ZIC3: variants seen among roughly 807,000 people sequenced by gnomAD.
ZIC3 encodes the protein zinc finger protein ZIC 3.
Under a neutral mutation model 18.3 loss-of-function variants are expected in ZIC3, and 6 were observed. That is an observed-to-expected ratio of 0.33 (90% CI 0.18 to 0.65). ZIC3 has a LOEUF of 0.65. Among genes scored for constraint, ZIC3 ranks in the 30% least tolerant of loss-of-function variants. The probability of loss-of-function intolerance (pLI) is 0.75; values close to 1 mark genes in which losing one functional copy is unlikely to be tolerated. For missense variants in ZIC3, 260 were observed against 410.0 expected (o/e 0.63, Z 3.16); for synonymous variants, 175 against 177.0 (o/e 0.99, Z 0.09).
intron 2 of ZIC3, 42 bp downstream of exon 2, chrX:137,569,107 C>A: frequency 8.3e-7 from 1 of 1,204,457 alleles, no homozygotes; most frequent in Non-Finnish European, 1.1e-6. Context: ...TGTAAACACT[C>A]GGCCCGACGC....
At chrX:137,574,150 G>A (rs996358022), downstream of ZIC3, 1 of 113,581 alleles carries the variant, frequency 8.8e-6, no homozygotes, top group Non-Finnish European at 1.9e-5. Context: ...CGTAGCGCTG[G>A]CCGCAAACTT....
At position 137,566,546 on chromosome X, in the gene ZIC3, T is replaced by TG. The variant is rs1931342573; in HGVS notation, c.-145dup. 9.8e-7 allele frequency: 1 copy of TG among 1,018,772 alleles called. No homozygotes were observed. The highest frequency in any genetic ancestry group is 2.8e-5 in the Admixed American group (1 of 36,159). 84.0% of individuals were successfully genotyped at this position (1,018,772 alleles called of 1,213,427 possible). ...GGAGACTCTTGCAGTGACGGAAAGTTGCAGCCCCTGGTAGCGCCTTGGGGG... is the reference window on the plus strand; with the variant it reads ...GGAGACTCTTGCAGTGACGGAAAGTTGGCAGCCCCTGGTAGCGCCTTGGGGG... On this transcript the variant is annotated 5_prime_UTR_variant, in exon 1 of 3. Coordinates refer to ENST00000287538, the MANE Select transcript of ZIC3 (RefSeq NM_003413.4).
At chrX:137,573,836 C>G (rs1400285842), downstream of ZIC3, 1 of 112,776 alleles carries the variant, frequency 8.9e-6, no homozygotes. Flanking sequence ...GTCGGGGCTC[C>G]CAGGGTCCCT....
downstream of ZIC3, among the ~76,000 whole-genome samples, chrX:137,573,457 C>T (rs181875457): frequency 9.0e-6 from 1 of 111,713 alleles, no homozygotes; most frequent in African/African-American, 3.2e-5. Flanking sequence ...CAAAGACCTC[C>T]GCTCACAAAG....
downstream of ZIC3, chrX:137,573,713 C>T (rs1300220807): frequency 3.5e-5 from 4 of 113,396 alleles, no homozygotes; most frequent in African/African-American, 1.3e-4. Flanking sequence ...TCACAGGTTT[C>T]TGTCCCTCGA....
At chrX:137,575,557 A>C (rs904845495), downstream of ZIC3, among the ~76,000 whole-genome samples, 3 of 111,694 alleles carry the variant, frequency 2.7e-5, no homozygotes, top group Non-Finnish European at 5.6e-5. Context: ...GATTTTAAAA[A>C]GTGTAGTAAT....
chrX:137,566,440 C>T lies in ZIC3; in HGVS notation c.-252C>T, dbSNP rs1197505228. ...CCAGATCTAGTCCGAGTCTTTTCTC[C>T]TCCCTTCTCCTCCCTCCTCCTCCCC... On this transcript the variant is annotated 5_prime_UTR_variant, in exon 1 of 3. Transcript: ENST00000287538. 5.1e-6 allele frequency: 2 copies of T among 392,482 alleles called. No homozygotes were observed. The highest frequency in any genetic ancestry group is 2.6e-5 in the African/African-American group (1 of 38,513). The allele number at this position is 392,482 out of a possible 1,213,427, so 32.3% of individuals were successfully genotyped here. A position where few individuals can be genotyped will look rare whatever the true frequency, so the allele number is the denominator to read the frequency against.
exon 3 of ZIC3, chrX:137,577,389 C>T: frequency 2.7e-6 from 1 of 370,796 alleles, no homozygotes; most frequent in Non-Finnish European, 4.7e-6. Flanking sequence ...TGGTGTATTT[C>T]ATCCTGTGTT....
chrX:137,572,730 T>C (rs1931455837), downstream of ZIC3, among the ~76,000 whole-genome samples: 1 of 110,588 alleles, frequency 9.0e-6, no homozygotes, highest in African/African-American at 3.3e-5. Context: ...GGATACAGGA[T>C]TCAACCAAAA....
chrX:137,573,849 CCA>C (rs1415639243), downstream of ZIC3: 1 of 112,626 alleles, frequency 8.9e-6, no homozygotes, highest in Non-Finnish European at 1.9e-5. Flanking sequence ...GGGTCCCTGT[CCA>C]CACACCAAGT....
At chrX:137,569,444 T>A (rs1443212274) in intron 2 of ZIC3, among the ~76,000 whole-genome samples, 1 of 112,034 alleles carries the variant, frequency 8.9e-6, no homozygotes, top group African/African-American at 3.2e-5. Flanking sequence ...GATAAAACAA[T>A]AGGGCCGAGG....
In ZIC3 at chrX:137,566,800, C is replaced by A; in HGVS notation, c.109C>A (p.Leu37Met). The A allele has an allele frequency of 8.5e-7, 1 of 1,175,901 alleles. No individual in the cohort carries two copies. The part of the protein sequence containing the change: ...MPNREPAGMG[L>M]NPFGDSTHAA... ...CAACCGTGAGCCGGCAGGCATGGGG[C>A]TGAATCCCTTCGGGGACTCAACCCA... Residue 37 changes from leucine to methionine, a missense_variant, in exon 1 of 3, where the codon CTG (leucine) becomes ATG (methionine). Coordinates refer to ENST00000287538, the MANE Select transcript of ZIC3 (RefSeq NM_003413.4).
At chrX:137,574,429 G>C (rs759031626), downstream of ZIC3, among the ~76,000 whole-genome samples, 1 of 113,413 alleles carries the variant, frequency 8.8e-6, no homozygotes, top group Non-Finnish European at 1.9e-5. Context: ...GCACGTGTGA[G>C]AGCCGGGCCA....
rs992580654 is a variant in ZIC3 at position 137,570,159 on chromosome X, A to C, written c.*89A>C. ...CCAATCAGATGGAAATGGAGTTTTA[A>C]GGCAAGAGGCCATATATAGGGCTAC... On this transcript the variant is annotated 3_prime_UTR_variant, in exon 3 of 3. Coordinates refer to ENST00000287538, the MANE Select transcript of ZIC3 (RefSeq NM_003413.4). The C allele has an allele frequency of 1.3e-4, 139 of 1,064,144 alleles. No homozygotes were observed. Among genetic ancestry groups the C allele is most frequent in the Non-Finnish European group, 1.8e-4 (134 of 762,890 alleles). 87.7% of individuals were successfully genotyped at this position (1,064,144 alleles called of 1,213,427 possible).
downstream of ZIC3, among the ~76,000 whole-genome samples, chrX:137,576,554 C>CT (rs983809132): frequency 8.9e-6 from 1 of 112,030 alleles, no homozygotes. Context: ...AAGGGTACTG[C>CT]TTTTTTACCG....
chrX:137,577,192 A>G (rs769504162), exon 3 of ZIC3: 1 of 525,509 alleles, frequency 1.9e-6, no homozygotes, highest in South Asian at 2.5e-5. Context: ...GTTGGTATGC[A>G]GCAGCCAGCC....
Position 137,571,889 on chromosome X carries a change from A to G in ZIC3, c.*1819A>G, listed in dbSNP as rs1192717436. The stretch of plus-strand genomic sequence containing the variant: ...GGTGCTGTTTGTTATTGAGAGCCCA[A>G]TCTCTGCATGAATAACAGAAAGGTG... On this transcript the variant is annotated 3_prime_UTR_variant, in exon 3 of 3. Transcript: ENST00000287538. Among the ~76,000 whole-genome samples the G allele has an allele frequency of 8.9e-6, 1 of 111,856 alleles. No individual in the cohort carries two copies. Among genetic ancestry groups the G allele is most frequent in the Non-Finnish European group, 1.9e-5 (1 of 53,150 alleles).
rs766511169 is a variant in ZIC3 at position 137,566,996 on chromosome X, C to G, written c.305C>G (p.Pro102Arg). The change falls in exon 1 of 3, where the codon CCC becomes CGC. Residue 102 changes from proline (P) to arginine (R), a missense_variant. Physicochemically the swap from Pro to Arg is moderately radical, Grantham distance 103. Coordinates refer to ENST00000287538, the MANE Select transcript of ZIC3 (RefSeq NM_003413.4). ...CATCATCACCACACCAGCCAGGTGC[C>G]CAGCTACGGTGGCGCTGCCTCTGCC... ...HHHHHHTSQV[P>R]SYGGAASAAF... 1.5e-5 allele frequency: 17 copies of G among 1,167,623 alleles called. No homozygotes were observed. Among genetic ancestry groups the G allele is most frequent in the Non-Finnish European group, 1.8e-5 (16 of 873,178 alleles).
downstream of ZIC3, among the ~76,000 whole-genome samples, chrX:137,576,436 A>G (rs1282243063): frequency 2.7e-5 from 3 of 111,899 alleles, no homozygotes; most frequent in Non-Finnish European, 5.6e-5. Flanking sequence ...GTCATTTGAC[A>G]TGGTAAAACT....
Sources: allele counts gnomAD v4.1 joint callset (sites outside exome capture counted in the v4.1 genomes callset), GRCh38; gene constraint gnomAD v4.1.1; transcripts MANE v1.5; gene names NCBI Gene and HGNC (gene_info 2026-07-23, HGNC 2026-07-21).